Variants in FAM13B observed in about 807,000 individuals in gnomAD.
FAM13B encodes the protein family with sequence similarity 13 member B.
FAM13B carries 60 observed loss-of-function variants against 117.3 expected under a neutral mutation model. The observed-to-expected ratio is 0.51, with a 90% CI of 0.42 to 0.63. The LOEUF (loss-of-function observed/expected upper bound fraction) is 0.63. FAM13B is among the 30% of genes least tolerant of loss of function. FAM13B has a pLI of 0.00. For missense variants in FAM13B, 972 were observed against 1,091.9 expected (o/e 0.89, Z 1.55); for synonymous variants, 332 against 356.1 (o/e 0.93, Z 0.76).
Position 137,984,442 on chromosome 5 carries a change from C to T in FAM13B, c.1179+815G>A, listed in dbSNP as rs534622006. Among the ~76,000 whole-genome samples, 3 of 152,242 alleles carry T rather than the reference C, an allele frequency of 2.0e-5. No homozygotes were observed. In the East Asian group the frequency reaches 5.8e-4, roughly 29 times the overall value. On this transcript the variant is annotated intron_variant, in intron 10 of 23. Coordinates refer to ENST00000689681, the MANE Select transcript of FAM13B (RefSeq NM_001385994.1). ...ATTACAACTAGGTCTCCCCAACACC[C>T]TTTTTTCCTTTGTTTCAGGACATGA...
intron 7 of FAM13B, among the ~76,000 whole-genome samples, chr5:137,999,198 G>A (rs1434662053): frequency 6.7e-6 from 1 of 150,238 alleles, no homozygotes; most frequent in African/African-American, 2.5e-5. Flanking sequence ...ACTGTAGCCT[G>A]GACCTCCCAT....
intron 7 of FAM13B, among the ~76,000 whole-genome samples, chr5:137,997,364 G>A (rs1381795739): frequency 6.6e-6 from 1 of 152,100 alleles, no homozygotes; most frequent in Non-Finnish European, 1.5e-5. Context: ...AGCTACTTGG[G>A]AGGCTGAGGC....
rs2150074298 is a variant in FAM13B at position 137,938,231 on chromosome 5, G to A, written c.*1994C>T. 1 of 152,614 alleles carries A rather than the reference G, an allele frequency of 6.6e-6. No individual in the cohort carries two copies. Among genetic ancestry groups the A allele is most frequent in the East Asian group, 1.9e-4 (1 of 5,180 alleles). The allele number at this position is 152,614 out of a possible 1,614,324, so 9.5% of individuals were successfully genotyped here. A position where few individuals can be genotyped will look rare whatever the true frequency, so the allele number is the denominator to read the frequency against. ...AAACATTAACATTGAATAACATATTGAAGCAGCTGTTAATTCTAAAATGAA... is the reference window on the plus strand; with the variant it reads ...AAACATTAACATTGAATAACATATTAAAGCAGCTGTTAATTCTAAAATGAA... On this transcript the variant is annotated 3_prime_UTR_variant, in exon 24 of 24. Coordinates refer to ENST00000689681, the MANE Select transcript of FAM13B (RefSeq NM_001385994.1).
intron 10 of FAM13B, among the ~76,000 whole-genome samples, chr5:137,969,022 G>C (rs958178538): frequency 3.9e-5 from 6 of 152,198 alleles, no homozygotes; most frequent in African/African-American, 7.2e-5. Context: ...AGGCGGCAGC[G>C]AGGCTGGGGG....
At chr5:137,966,399 T>C (rs1435675980) in intron 10 of FAM13B, among the ~76,000 whole-genome samples, 3 of 144,714 alleles carry the variant, frequency 2.1e-5, no homozygotes, top group South Asian at 4.3e-4. Flanking sequence ...ATTGCACCAC[T>C]GCACTCCAGC....
At chr5:138,035,288 G>T (rs1267221448), upstream of FAM13B, among the ~76,000 whole-genome samples, 2 of 151,854 alleles carry the variant, frequency 1.3e-5, no homozygotes. Flanking sequence ...TGTGATTACA[G>T]GCGTGAGCCA....
At chr5:137,971,177 C>G (rs1045680967) in intron 10 of FAM13B, among the ~76,000 whole-genome samples, 15 of 151,464 alleles carry the variant, frequency 9.9e-5, no homozygotes, top group Non-Finnish European at 2.1e-4. Context: ...AGCACCACAC[C>G]AGACCTATTC....
intron 4 of FAM13B, among the ~76,000 whole-genome samples, chr5:138,016,468 T>TA (rs1016492300): frequency 4.6e-5 from 7 of 151,868 alleles, no homozygotes; most frequent in African/African-American, 1.7e-4. Context: ...CTACAAAACA[T>TA]AAAAAATTTT....
intron 6 of FAM13B, among the ~76,000 whole-genome samples, chr5:138,010,369 G>T (rs754143538): frequency 6.6e-6 from 1 of 152,198 alleles, no homozygotes; most frequent in Admixed American, 6.5e-5. Flanking sequence ...ACTTTGGAAG[G>T]CCAAGGCAGG....
intron 10 of FAM13B, among the ~76,000 whole-genome samples, chr5:137,984,913 C>T (rs1434989974): frequency 2.0e-5 from 3 of 151,970 alleles, no homozygotes; most frequent in South Asian, 2.1e-4. Context: ...GGATTACAGG[C>T]GCCCACCACC....
At chr5:138,016,130 T>C (rs1223576913) in intron 4 of FAM13B, among the ~76,000 whole-genome samples, 1 of 152,192 alleles carries the variant, frequency 6.6e-6, no homozygotes, top group Non-Finnish European at 1.5e-5. Flanking sequence ...CAGTACATGG[T>C]GCTGTCATAA....
At chr5:138,046,935 G>A (rs1031743438) in intron 1 of FAM13B, among the ~76,000 whole-genome samples, 5 of 151,532 alleles carry the variant, frequency 3.3e-5, no homozygotes, top group Non-Finnish European at 5.9e-5. Context: ...TAGTAGAGAC[G>A]GGGTTTCACC....
At chr5:138,037,953 TC>T (rs1301284612), upstream of FAM13B, among the ~76,000 whole-genome samples, 1 of 152,210 alleles carries the variant, frequency 6.6e-6, no homozygotes, top group Non-Finnish European at 1.5e-5. Flanking sequence ...TACCTTAGAT[TC>T]CCCATTAGTC....
At chr5:137,980,732 G>A (rs942104303) in intron 10 of FAM13B, among the ~76,000 whole-genome samples, 6 of 151,896 alleles carry the variant, frequency 4.0e-5, no homozygotes, top group Admixed American at 6.6e-5. Context: ...AAGCCACTGC[G>A]CCCAGCCTAA....
Position 137,949,072 on chromosome 5 carries a change from T to C in FAM13B, c.2043A>G (p.Glu681=). ...SSLDHEDEEN[E]DEPKVIQKEK... ...CCTTCTGAATGACCTTGGGTTCATC[T>C]TCATTCTCTTCATCTTCATGGTCTA... The change falls in exon 18 of 24, where the codon GAA becomes GAG. Residue 681 remains glutamate (E), a synonymous_variant. Coordinates refer to ENST00000689681, the MANE Select transcript of FAM13B (RefSeq NM_001385994.1). 1 of 1,614,112 alleles carries C rather than the reference T, an allele frequency of 6.2e-7. No individual in the cohort carries two copies. Among genetic ancestry groups the C allele is most frequent in the Non-Finnish European group, 8.5e-7 (1 of 1,179,998 alleles).
intron 7 of FAM13B, among the ~76,000 whole-genome samples, chr5:137,997,270 G>T (rs28592174): frequency 6.6e-6 from 1 of 151,870 alleles, no homozygotes; most frequent in African/African-American, 2.4e-5. Flanking sequence ...GAGTTCAAGG[G>T]CAGCCTGCCC....
At chr5:138,011,200 T>G (rs774338662) in intron 5 of FAM13B, 51 bp from the exon 6 acceptor site, 22 of 1,536,776 alleles carry the variant, frequency 1.4e-5, no homozygotes, top group Non-Finnish European at 1.9e-5. Context: ...CAATCACAGG[T>G]AAAGGTAGAA....
intron 7 of FAM13B, among the ~76,000 whole-genome samples, chr5:137,995,016 A>T (rs6596418): frequency 0.98 from 149,405 of 152,364 alleles, 73,322 homozygotes; most frequent in Middle Eastern, 1. Context: ...TCACTTTACC[A>T]GTGCAACACA....
chr5:138,015,276 C>T (rs1162920368), intron 4 of FAM13B, among the ~76,000 whole-genome samples: 1 of 152,228 alleles, frequency 6.6e-6, no homozygotes, highest in Non-Finnish European at 1.5e-5. Context: ...AGTGGATGCA[C>T]TGTCCAGCTA....
Sources: gnomAD v4.1 joint callset for allele counts (sites outside exome capture counted in the v4.1 genomes callset) on GRCh38, gnomAD v4.1.1 for gene constraint, MANE v1.5 for transcripts, NCBI Gene and HGNC (gene_info 2026-07-23, HGNC 2026-07-21) for gene names.